Variants in CELF2 observed in about 807,000 individuals in gnomAD.
The protein encoded by CELF2 is CUGBP Elav-like family member 2.
A neutral mutation model predicts 62.6 loss-of-function variants in CELF2; 8 were observed. The ratio of observed to expected loss-of-function variants is 0.13; its 90% CI spans 0.07 to 0.23. CELF2 has a LOEUF of 0.23. Ranked by LOEUF, CELF2 falls within the 10% of genes least tolerant of loss-of-function variation. The probability of loss-of-function intolerance (pLI) is 1.00; values close to 1 mark genes in which losing one functional copy is unlikely to be tolerated. For synonymous variants in CELF2, 258 were observed against 250.0 expected, an observed-to-expected ratio of 1.03 and a Z score of -0.30; for missense variants, 333 against 671.0, an observed-to-expected ratio of 0.50 and a Z score of 5.56.
At chr10:10,973,185 G>A (rs2050941949) in intron 2 of CELF2, among the ~76,000 whole-genome samples, 1 of 151,808 alleles carries the variant, frequency 6.6e-6, no homozygotes, top group Admixed American at 6.6e-5. Flanking sequence ...GGAGGCTGAG[G>A]CAGGAGGATC....
chr10:11,194,389 T>C (rs934674798), intron 2 of CELF2, among the ~76,000 whole-genome samples: 6 of 152,244 alleles, frequency 3.9e-5, no homozygotes, highest in African/African-American at 1.4e-4. Context: ...AATTGAGTTT[T>C]CATTTTGAAA....
the CELF2 span, among the ~76,000 whole-genome samples, chr10:10,476,531 G>A: frequency 6.6e-6 from 1 of 152,246 alleles, no homozygotes; most frequent in Non-Finnish European, 1.5e-5. Context: ...TTGGATGGTA[G>A]CTATGCCCTT....
the CELF2 span, among the ~76,000 whole-genome samples, chr10:10,555,858 C>T: frequency 6.6e-6 from 1 of 152,160 alleles, no homozygotes; most frequent in Non-Finnish European, 1.5e-5. Context: ...TCTTCGGGCT[C>T]TTCACAGTTG....
At chr10:10,875,122 A>G (rs968951496) in intron 1 of CELF2, among the ~76,000 whole-genome samples, 20 of 152,214 alleles carry the variant, frequency 1.3e-4, no homozygotes, top group African/African-American at 4.6e-4. Context: ...TTTATTGTTA[A>G]TATTTCACTG....
intron 5 of CELF2, among the ~76,000 whole-genome samples, chr10:11,263,420 T>C (rs1185746549): frequency 6.6e-6 from 1 of 152,142 alleles, no homozygotes; most frequent in Non-Finnish European, 1.5e-5. Flanking sequence ...AAGTATGGCT[T>C]CATTATTTTG....
At chr10:10,883,888 C>T (rs1650877337) in intron 1 of CELF2, among the ~76,000 whole-genome samples, 1 of 151,762 alleles carries the variant, frequency 6.6e-6, no homozygotes. Context: ...TCCTCCTCCT[C>T]CTCCTCTTCT....
At chr10:11,144,319 C>T (rs1596086275) in intron 1 of CELF2, among the ~76,000 whole-genome samples, 1 of 151,902 alleles carries the variant, frequency 6.6e-6, no homozygotes. Context: ...AATAGTAGTT[C>T]GATATTATAT....
the CELF2 span, among the ~76,000 whole-genome samples, chr10:10,667,416 A>G: frequency 1.3e-5 from 2 of 152,240 alleles, no homozygotes; most frequent in African/African-American, 4.8e-5. Context: ...ACTGTGTGAG[A>G]GTGCTCTCAG....
upstream of CELF2, among the ~76,000 whole-genome samples, chr10:10,797,382 T>C (rs2054205649): frequency 6.6e-6 from 1 of 151,808 alleles, no homozygotes; most frequent in South Asian, 2.1e-4. Context: ...TAAACTCTCT[T>C]TGCAACAAAG....
chr10:10,914,121 TA>T (rs2064104164), intron 1 of CELF2, among the ~76,000 whole-genome samples: 1 of 17,282 alleles, frequency 5.8e-5, no homozygotes, highest in African/African-American at 2.5e-4. Context: ...AAATCTATTT[TA>T]CCTTTTTTTA....
At chr10:10,991,505 C>A (rs895593292) in intron 2 of CELF2, among the ~76,000 whole-genome samples, 2 of 152,194 alleles carry the variant, frequency 1.3e-5, no homozygotes, top group East Asian at 1.9e-4. Context: ...CTGTCCCCAA[C>A]AAATCCACCA....
chr10:11,134,752 C>T lies in CELF2; in HGVS notation c.75-30734C>T, dbSNP rs575175040. Among the ~76,000 whole-genome samples, 5 of 152,156 alleles carry T rather than the reference C, an allele frequency of 3.3e-5. No homozygotes were observed. The South Asian group carries it at 8.3e-4, about 25-fold the overall frequency. On this transcript the variant is annotated intron_variant, in intron 1 of 12. Coordinates refer to ENST00000633077, the MANE Select transcript of CELF2 (RefSeq NM_001326342.2). ...GCAGTGGGATTTGAGAAGCAGGGCA[C>T]GAGGAGAGAGCAAGGAACACCCGGG...
At chr10:10,592,287 G>A in the CELF2 span, among the ~76,000 whole-genome samples, 43 of 152,190 alleles carry the variant, frequency 2.8e-4, no homozygotes, top group Non-Finnish European at 5.6e-4. Flanking sequence ...CTCAGGGTGA[G>A]TTTTACGATG....
intron 1 of CELF2, among the ~76,000 whole-genome samples, chr10:11,086,282 C>T (rs533118851): frequency 3.3e-5 from 5 of 152,068 alleles, no homozygotes; most frequent in African/African-American, 4.8e-5. Context: ...CCCTGGCATT[C>T]GCAGCAATAA....
At chr10:10,596,465 G>A in the CELF2 span, among the ~76,000 whole-genome samples, 5 of 152,196 alleles carry the variant, frequency 3.3e-5, no homozygotes, top group African/African-American at 1.2e-4. Context: ...GCTTGGATCT[G>A]CTTTGCCATG....
chr10:10,919,889 A>G, intron 1 of CELF2: 2 of 964,930 alleles, frequency 2.1e-6, no homozygotes, highest in Non-Finnish European at 2.7e-6. Flanking sequence ...AATACTTATT[A>G]TGTGATTAAA....
chr10:10,817,351 C>T (rs564315350), intron 1 of CELF2, among the ~76,000 whole-genome samples: 10 of 152,248 alleles, frequency 6.6e-5, no homozygotes, highest in South Asian at 2.1e-4. Context: ...TATTTTAAAA[C>T]GTACAATTAA....
chr10:10,748,038 G>A, the CELF2 span, among the ~76,000 whole-genome samples: 1 of 152,190 alleles, frequency 6.6e-6, no homozygotes, highest in Non-Finnish European at 1.5e-5. Context: ...ACTCATGGAG[G>A]AAGAGTGTAG....
At chr10:10,872,096 G>T (rs920241744) in intron 1 of CELF2, among the ~76,000 whole-genome samples, 4 of 152,136 alleles carry the variant, frequency 2.6e-5, no homozygotes, top group Non-Finnish European at 5.9e-5. Context: ...GAAAGCTCCT[G>T]TCCTTCCCTT....
Sources: gnomAD v4.1 joint callset for allele counts (sites outside exome capture counted in the v4.1 genomes callset) on GRCh38, gnomAD v4.1.1 for gene constraint, MANE v1.5 for transcripts, NCBI Gene and HGNC (gene_info 2026-07-23, HGNC 2026-07-21) for gene names.